The following SH3PXD2A variants were observed in gnomAD, a reference collection of about 807,000 sequenced individuals.
The protein encoded by SH3PXD2A is SH3 and PX domain-containing protein 2A.
In SH3PXD2A, 32 loss-of-function variants were observed where a neutral mutation model predicts 115.2. The ratio of observed to expected loss-of-function variants is 0.28; its 90% CI spans 0.21 to 0.37. The LOEUF (loss-of-function observed/expected upper bound fraction) is 0.37, where lower values mean the gene tolerates loss of function less well. SH3PXD2A is among the 10% of genes least tolerant of loss of function. SH3PXD2A has a pLI of 1.00. For synonymous variants in SH3PXD2A, 610 were observed against 629.1 expected (o/e 0.97, Z 0.45); for missense variants, 1,328 against 1,498.7 (o/e 0.89, Z 1.88).
At chr10:103,661,559 C>T (rs1476652940) in intron 7 of SH3PXD2A, 5 of 717,860 alleles carry the variant, frequency 7.0e-6, no homozygotes, top group African/African-American at 1.9e-5. Flanking sequence ...AGCGGGTGGG[C>T]GGCCCATGAG....
intron 5 of SH3PXD2A, among the ~76,000 whole-genome samples, chr10:103,708,799 A>G (rs994117822): frequency 6.6e-6 from 1 of 152,066 alleles, no homozygotes; most frequent in South Asian, 2.1e-4. Flanking sequence ...GCTCGTGCCT[A>G]TTAAGATCCT....
intron 11 of SH3PXD2A, among the ~76,000 whole-genome samples, chr10:103,616,060 T>TGC: frequency 1.4e-5 from 2 of 140,416 alleles, no homozygotes; most frequent in East Asian, 4.3e-4. Flanking sequence ...GCGGGGGGTG[T>TGC]GGTGCGTGCC....
At chr10:103,787,779 C>T (rs2038994630) in intron 2 of SH3PXD2A, among the ~76,000 whole-genome samples, 1 of 152,132 alleles carries the variant, frequency 6.6e-6, no homozygotes, top group South Asian at 2.1e-4. Context: ...TGGCAAAAAA[C>T]AAACAAACAA....
chr10:103,704,720 C>T (rs2037960886), intron 5 of SH3PXD2A, among the ~76,000 whole-genome samples: 1 of 152,238 alleles, frequency 6.6e-6, no homozygotes, highest in Non-Finnish European at 1.5e-5. Flanking sequence ...GGCTCCTGGG[C>T]TAGCCTGGGT....
intron 5 of SH3PXD2A, among the ~76,000 whole-genome samples, chr10:103,699,165 C>T (rs1041566736): frequency 3.9e-5 from 6 of 152,080 alleles, no homozygotes; most frequent in Non-Finnish European, 2.9e-5. Flanking sequence ...GTCCACAGAC[C>T]CGGGTTCTGG....
intron 3 of SH3PXD2A, among the ~76,000 whole-genome samples, chr10:103,738,966 G>A (rs1441204701): frequency 7.3e-6 from 1 of 137,182 alleles, no homozygotes; most frequent in Non-Finnish European, 1.5e-5. Flanking sequence ...GGCTGATTTT[G>A]CATTTTTAGT....
chr10:103,727,307 A>C (rs1019846927), intron 4 of SH3PXD2A, among the ~76,000 whole-genome samples: 2 of 152,190 alleles, frequency 1.3e-5, no homozygotes, highest in Non-Finnish European at 2.9e-5. Context: ...CACACTGTCC[A>C]TGCTGTGTTC....
At chr10:103,661,688 G>A in intron 7 of SH3PXD2A, 1 of 985,286 alleles carries the variant, frequency 1.0e-6, no homozygotes, top group Non-Finnish European at 1.2e-6. Flanking sequence ...AGAGGAGAGA[G>A]CGGGAGAGAG....
intron 4 of SH3PXD2A, among the ~76,000 whole-genome samples, chr10:103,727,902 T>A (rs1394325185): frequency 6.6e-6 from 1 of 152,176 alleles, no homozygotes; most frequent in Admixed American, 6.5e-5. Context: ...CAAAATCATT[T>A]GGCAGGAGAG....
intron 2 of SH3PXD2A, among the ~76,000 whole-genome samples, chr10:103,770,414 T>C (rs1249248850): frequency 6.6e-6 from 1 of 152,192 alleles, no homozygotes; most frequent in East Asian, 1.9e-4. Flanking sequence ...ACTGTGAGGC[T>C]AGTCTCAAGA....
intron 6 of SH3PXD2A, among the ~76,000 whole-genome samples, chr10:103,681,775 C>CGCAA (rs1375835746): frequency 1.4e-4 from 21 of 152,218 alleles, no homozygotes; most frequent in African/African-American, 5.1e-4. Context: ...CGCGCGCGCA[C>CGCAA]ACACACAAAA....
chr10:103,772,230 C>G (rs1402291370), intron 2 of SH3PXD2A, among the ~76,000 whole-genome samples: 1 of 152,158 alleles, frequency 6.6e-6, no homozygotes, highest in African/African-American at 2.4e-5. Context: ...TCCTAGAGGG[C>G]CAGGCAGGCT....
At chr10:103,758,074 T>C (rs115775137) in intron 3 of SH3PXD2A, among the ~76,000 whole-genome samples, 58 of 152,284 alleles carry the variant, frequency 3.8e-4, no homozygotes, top group African/African-American at 1.4e-3. Flanking sequence ...GATCAACCCA[T>C]TTGACAGATG....
At chr10:103,661,140 G>T in intron 7 of SH3PXD2A, 26 bp from the exon 8 acceptor site, 1 of 1,608,608 alleles carries the variant, frequency 6.2e-7, no homozygotes, top group South Asian at 1.1e-5. Context: ...AGCACGCGGT[G>T]AGCCAGCGGC....
Position 103,639,472 on chromosome 10 carries a change from T to C in SH3PXD2A, c.605-12270A>G, listed in dbSNP as rs576616911. Among the ~76,000 whole-genome samples the C allele has an allele frequency of 3.3e-5, 5 of 152,086 alleles. No homozygotes were observed. The South Asian group carries it at 1.0e-3, about 32-fold the overall frequency. On this transcript the variant is annotated intron_variant, in intron 8 of 14. Coordinates refer to ENST00000369774, the MANE Select transcript of SH3PXD2A (RefSeq NM_001394015.1). ...TAAAAATACAAAAGTTAGCTGGGCA[T>C]GGTGGCGTGTGCCTGTAGTCCCAGC...
rs146565260 is a variant in SH3PXD2A, at chr10:103,740,870, T to C, written c.230-5062A>G. ...ACCCAGCACTGTCTTGATGGAGGCC[T>C]GCTGTGCTGGGCTCTGTTCCAGGCG... On this transcript the variant is annotated intron_variant, in intron 3 of 14. Coordinates refer to ENST00000369774, the MANE Select transcript of SH3PXD2A (RefSeq NM_001394015.1). Among the ~76,000 whole-genome samples, 240 of 152,336 alleles carry C rather than the reference T, an allele frequency of 1.6e-3. 1 individual carries two copies. Among genetic ancestry groups the C allele is most frequent in the African/African-American group, 5.5e-3 (230 of 41,568 alleles).
At chr10:103,774,543 A>G (rs1318659050) in intron 2 of SH3PXD2A, among the ~76,000 whole-genome samples, 2 of 152,112 alleles carry the variant, frequency 1.3e-5, no homozygotes, top group African/African-American at 2.4e-5. Context: ...TTTTACACCT[A>G]TGGGTCATAT....
chr10:103,603,716 T>A lies in SH3PXD2A; in HGVS notation c.1502A>T (p.Tyr501Phe), dbSNP rs570018935. Residue 501 changes from tyrosine (Y) to phenylalanine (F), a missense_variant, in exon 15 of 15, where the codon TAC becomes TTC. Around this residue, in one of 5 missense-constraint regions of SH3PXD2A, gnomAD observed 509 missense variants for 628.3 expected, o/e 0.81. Coordinates refer to ENST00000369774, the MANE Select transcript of SH3PXD2A (RefSeq NM_001394015.1). ...GTTGGGCTTCTTGCGCTTATCGATG[T>A]ATGATGCGGGGGCCCAGCCCTCCTT... is the stretch of plus-strand genomic sequence containing the variant. The part of the protein sequence containing the change: ...GEKEGWAPAS[Y>F]IDKRKKPNLS... 4.3e-6 allele frequency: 7 copies of A among 1,611,164 alleles called. No homozygotes were observed. In the South Asian group the frequency reaches 6.6e-5, roughly 15 times the overall value.
intron 9 of SH3PXD2A, among the ~76,000 whole-genome samples, chr10:103,624,916 C>T (rs1318082170): frequency 6.6e-6 from 1 of 152,154 alleles, no homozygotes; most frequent in African/African-American, 2.4e-5. Flanking sequence ...GTGGAATCCA[C>T]AGCTATCCAG....
Sources: allele counts gnomAD v4.1 joint callset (sites outside exome capture counted in the v4.1 genomes callset), GRCh38; gene constraint gnomAD v4.1.1; regional missense constraint gnomAD v4.1.1; transcripts MANE v1.5; gene names NCBI Gene and HGNC (gene_info 2026-07-23, HGNC 2026-07-21).